The following CNTN5 variants were observed in gnomAD, a reference collection of about 807,000 sequenced individuals.
The protein encoded by CNTN5 is contactin 5.
Under a neutral mutation model 129.1 loss-of-function variants are expected in CNTN5, and 77 were observed. The observed-to-expected ratio is 0.60, with a 90% CI of 0.50 to 0.72. The LOEUF (loss-of-function observed/expected upper bound fraction) is 0.72, where lower values mean the gene tolerates loss of function less well. Among genes scored for constraint, CNTN5 ranks in the 30% least tolerant of loss-of-function variants. The probability of loss-of-function intolerance (pLI) is 0.00; values close to 1 mark genes in which losing one functional copy is unlikely to be tolerated. For missense variants in CNTN5, 1,478 were observed against 1,328.8 expected, an observed-to-expected ratio of 1.11 and a Z score of -1.75; for synonymous variants, 509 against 465.6, an observed-to-expected ratio of 1.09 and a Z score of -1.20.
chr11:99,273,719 A>G (rs974938795), intron 1 of CNTN5, among the ~76,000 whole-genome samples: 2 of 151,748 alleles, frequency 1.3e-5, no homozygotes, highest in East Asian at 1.9e-4. Context: ...GTTGTAATTT[A>G]TGGACATGAT....
intron 1 of CNTN5, among the ~76,000 whole-genome samples, chr11:99,283,121 A>G (rs1241543476): frequency 6.6e-6 from 1 of 152,104 alleles, no homozygotes; most frequent in African/African-American, 2.4e-5. Context: ...TAGTCAACGT[A>G]AAATGTTTGC....
intron 9 of CNTN5, among the ~76,000 whole-genome samples, chr11:100,011,904 T>C (rs1378402406): frequency 6.6e-6 from 1 of 152,170 alleles, no homozygotes; most frequent in African/African-American, 2.4e-5. Context: ...TGAGACTTCC[T>C]ACAGTGTGCA....
chr11:100,309,059 A>C, intron 21 of CNTN5: 4 of 985,126 alleles, frequency 4.1e-6, no homozygotes, highest in Non-Finnish European at 4.8e-6. Flanking sequence ...GTAGTCTGTG[A>C]ACATGAATAT....
chr11:100,061,484 A>G (rs1943480987), intron 10 of CNTN5, 91 bp downstream of exon 10: 1 of 931,912 alleles, frequency 1.1e-6, no homozygotes, highest in South Asian at 2.0e-5. Flanking sequence ...TTTGTTAGGT[A>G]CATAAAAACC....
At chr11:99,644,174 A>T (rs1331913211) in intron 3 of CNTN5, among the ~76,000 whole-genome samples, 1 of 152,066 alleles carries the variant, frequency 6.6e-6, no homozygotes, top group Non-Finnish European at 1.5e-5. Flanking sequence ...TCTCTAGCGT[A>T]GAAAGAGGAA....
chr11:99,695,949 AAAT>A lies in CNTN5; in HGVS notation c.56-123590_56-123588del, dbSNP rs548326203. Among the ~76,000 whole-genome samples, 465 of 152,220 alleles carry A rather than the reference AAAT, an allele frequency of 3.1e-3. 3 individuals are homozygous for A. Among genetic ancestry groups the A allele is most frequent in the African/African-American group, 0.01 (435 of 41,552 alleles). ...TGAGTTAATACATACAAAAGTTTTA[AAAT>A]AATACTTGTATATGGTAAGCACCAT... On this transcript the variant is annotated intron_variant, in intron 3 of 24. Coordinates refer to ENST00000524871, the MANE Select transcript of CNTN5 (RefSeq NM_014361.4).
intron 13 of CNTN5, among the ~76,000 whole-genome samples, chr11:100,075,024 A>T (rs1944073239): frequency 6.6e-6 from 1 of 152,166 alleles, no homozygotes; most frequent in Non-Finnish European, 1.5e-5. Context: ...TTATGTCAAA[A>T]TAATATTGTA....
intron 1 of CNTN5, among the ~76,000 whole-genome samples, chr11:99,215,490 G>A (rs930069640): frequency 2.6e-5 from 4 of 152,112 alleles, no homozygotes; most frequent in African/African-American, 7.2e-5. Context: ...AAAAGGACTC[G>A]ATAAGGACTC....
At chr11:99,077,499 T>G (rs1006826691) in intron 1 of CNTN5, among the ~76,000 whole-genome samples, 3 of 152,212 alleles carry the variant, frequency 2.0e-5, no homozygotes, top group African/African-American at 7.2e-5. Flanking sequence ...ATTTTAAATA[T>G]CTCTGAGATT....
rs192467751 is a variant in CNTN5, at chr11:99,695,125, T to C, written c.56-124419T>C. On this transcript the variant is annotated intron_variant, in intron 3 of 24. Transcript: ENST00000524871. ...ACCAATTCATGATCTGTATCTAAAT[T>C]AGGTAGAAGGGTAATAGAGAGAAAT... is the stretch of plus-strand genomic sequence containing the variant. Among the ~76,000 whole-genome samples the C allele has an allele frequency of 1.5e-3, 221 of 152,106 alleles. 1 individual carries two copies. The highest frequency in any genetic ancestry group is 4.9e-3 in the African/African-American group (204 of 41,510).
chr11:99,441,826 G>A (rs1006605872), intron 2 of CNTN5, among the ~76,000 whole-genome samples: 1 of 152,014 alleles, frequency 6.6e-6, no homozygotes, highest in Non-Finnish European at 1.5e-5. Context: ...GTTATGAAAA[G>A]GCTAAAGTCT....
At chr11:99,577,977 C>A (rs11822712) in intron 3 of CNTN5, among the ~76,000 whole-genome samples, 3 of 128,258 alleles carry the variant, frequency 2.3e-5, no homozygotes, top group Non-Finnish European at 3.3e-5. Flanking sequence ...ATCCCTCCCC[C>A]CTCCCCCCAC....
At chr11:99,582,591 G>A (rs909009380) in intron 3 of CNTN5, among the ~76,000 whole-genome samples, 1 of 152,046 alleles carries the variant, frequency 6.6e-6, no homozygotes, top group Non-Finnish European at 1.5e-5. Flanking sequence ...TTCCATCGCT[G>A]ATACCCTTTC....
intron 9 of CNTN5, among the ~76,000 whole-genome samples, chr11:100,036,156 G>A (rs1007747179): frequency 3.9e-5 from 6 of 152,128 alleles, no homozygotes; most frequent in African/African-American, 1.4e-4. Context: ...AAGGTGTAAG[G>A]AAGGGATCCA....
At chr11:99,541,755 G>T (rs1948115272) in intron 2 of CNTN5, among the ~76,000 whole-genome samples, 1 of 151,954 alleles carries the variant, frequency 6.6e-6, no homozygotes, top group Non-Finnish European at 1.5e-5. Flanking sequence ...TTGAGGCTAG[G>T]CTGGGCGACA....
At chr11:100,094,937 A>T (rs888344795) in intron 13 of CNTN5, among the ~76,000 whole-genome samples, 3 of 152,182 alleles carry the variant, frequency 2.0e-5, no homozygotes, top group Non-Finnish European at 4.4e-5. Context: ...GTATCAGTCA[A>T]GACTTCACAT....
intron 18 of CNTN5, among the ~76,000 whole-genome samples, chr11:100,291,213 A>G (rs1298777023): frequency 6.6e-6 from 1 of 150,840 alleles, no homozygotes; most frequent in African/African-American, 2.4e-5. Flanking sequence ...TTCCTCAGGG[A>G]TCTAGAACTA....
intron 6 of CNTN5, among the ~76,000 whole-genome samples, chr11:99,886,818 G>T (rs1948913070): frequency 6.6e-6 from 1 of 152,160 alleles, no homozygotes; most frequent in Non-Finnish European, 1.5e-5. Context: ...GTGCAAGCAA[G>T]TTGCAACCTA....
intron 16 of CNTN5, among the ~76,000 whole-genome samples, chr11:100,252,610 T>A (rs1047406006): frequency 6.6e-6 from 1 of 152,044 alleles, no homozygotes; most frequent in Non-Finnish European, 1.5e-5. Context: ...GGGTGAGAAG[T>A]CTAGTTTCAT....
Sources: allele counts gnomAD v4.1 joint callset (sites outside exome capture counted in the v4.1 genomes callset), GRCh38; gene constraint gnomAD v4.1.1; transcripts MANE v1.5; gene names NCBI Gene and HGNC (gene_info 2026-07-23, HGNC 2026-07-21).